Variants in SLC35D1 observed in about 807,000 individuals in gnomAD.
SLC35D1 encodes nucleotide sugar transporter SLC35D1.
SLC35D1 carries 31 observed loss-of-function variants against 46.7 expected under a neutral mutation model. That is an observed-to-expected ratio of 0.66 (90% confidence interval 0.50 to 0.90). The LOEUF is 0.90. Among genes scored for constraint, SLC35D1 ranks in the 40% least tolerant of loss-of-function variants. The pLI is 0.00. For missense variants in SLC35D1, 397 were observed against 426.2 expected (o/e 0.93, Z 0.60); for synonymous variants, 195 against 164.6 (o/e 1.18, Z -1.41).
At chr1:67,045,194 CTGTTTTTCTTTATACATTTTAAT>C (rs1380683390) in intron 7 of SLC35D1, among the ~76,000 whole-genome samples, 1 of 152,214 alleles carries the variant, frequency 6.6e-6, no homozygotes, top group Non-Finnish European at 1.5e-5. Flanking sequence ...GCCAAAACTT[CTGTTTTTCTTTATACATTTTAAT>C]TGTTTTGAAT....
chr1:66,977,902 C>T, the SLC35D1 span, among the ~76,000 whole-genome samples: 2 of 151,942 alleles, frequency 1.3e-5, no homozygotes, highest in African/African-American at 2.4e-5. Flanking sequence ...TAATTACCTT[C>T]GAAAGATGTG....
intron 11 of SLC35D1, chr1:67,008,417 T>C: frequency 7.8e-7 from 1 of 1,288,340 alleles, no homozygotes; most frequent in Non-Finnish European, 1.0e-6. Flanking sequence ...TACCAACTCT[T>C]AACTCACAGA....
At chr1:66,973,855 C>T in the SLC35D1 span, among the ~76,000 whole-genome samples, 10 of 152,014 alleles carry the variant, frequency 6.6e-5, no homozygotes, top group African/African-American at 2.4e-4. Flanking sequence ...TTAAAGATAG[C>T]TTCTAAGTTT....
the SLC35D1 span, among the ~76,000 whole-genome samples, chr1:66,981,188 AC>A: frequency 1.3e-5 from 2 of 152,220 alleles, no homozygotes; most frequent in Non-Finnish European, 2.9e-5. Context: ...AACCACAGTT[AC>A]GTAGTTCAGG....
At chr1:66,973,852 T>C in the SLC35D1 span, among the ~76,000 whole-genome samples, 1 of 152,122 alleles carries the variant, frequency 6.6e-6, no homozygotes, top group East Asian at 1.9e-4. Flanking sequence ...TCCTTAAAGA[T>C]AGCTTCTAAG....
intron 10 of SLC35D1, 58 bp from the exon 11 acceptor site, chr1:67,009,225 A>G: frequency 1.7e-6 from 1 of 601,744 alleles, no homozygotes; most frequent in Non-Finnish European, 2.8e-6. Flanking sequence ...TCTTAAATAT[A>G]TATAAAACTC....
At chr1:67,040,991 A>G (rs1038748691) in intron 8 of SLC35D1, among the ~76,000 whole-genome samples, 4 of 152,074 alleles carry the variant, frequency 2.6e-5, no homozygotes, top group African/African-American at 9.7e-5. Context: ...TCTTGACTCC[A>G]CTATTCCCCA....
chr1:66,976,798 T>A, the SLC35D1 span: 1 of 1,253,330 alleles, frequency 8.0e-7, no homozygotes, highest in Non-Finnish European at 1.1e-6. Context: ...AGTTAATTAT[T>A]ATTTTGATAA....
chr1:67,033,825 A>G (rs1047968073), intron 8 of SLC35D1, among the ~76,000 whole-genome samples: 1 of 152,130 alleles, frequency 6.6e-6, no homozygotes, highest in African/African-American at 2.4e-5. Flanking sequence ...TTGAAGTTTT[A>G]GATAAGTCTT....
chr1:66,984,564 C>A, the SLC35D1 span: 1 of 1,544,310 alleles, frequency 6.5e-7, no homozygotes, highest in African/African-American at 1.4e-5. Flanking sequence ...ATATTTCTTT[C>A]AACTTAGGAG....
At chr1:66,995,879 C>T (rs1260123233), downstream of SLC35D1, among the ~76,000 whole-genome samples, 1 of 152,082 alleles carries the variant, frequency 6.6e-6, no homozygotes, top group Non-Finnish European at 1.5e-5. Context: ...CAAAAATATT[C>T]ACCGAAAAAA....
intron 1 of SLC35D1, 27 bp downstream of exon 1, chr1:67,053,783 GC>G: frequency 1.9e-6 from 3 of 1,539,656 alleles, no homozygotes; most frequent in Non-Finnish European, 2.6e-6. Flanking sequence ...CTCCTCCGCG[GC>G]CTGGGCCGCC....
In SLC35D1 at chr1:67,049,885, C is replaced by T. The variant is rs570005214; in HGVS notation, c.465-35G>A. On this transcript the variant is annotated intron_variant, in intron 5 of 11. Coordinates refer to ENST00000235345, the MANE Select transcript of SLC35D1 (RefSeq NM_015139.3). ...AAAAAATTTTAAAATACACACATGA[C>T]TTTATTCCCACACTCATTTTACAAC... 11 of 1,453,192 alleles carry T rather than the reference C, an allele frequency of 7.6e-6. No homozygotes were observed. The African/African-American group carries it at 1.1e-4, about 15-fold the overall frequency. The allele number at this position is 1,453,192 out of a possible 1,614,324, so 90.0% of individuals were successfully genotyped here.
intron 4 of SLC35D1, among the ~76,000 whole-genome samples, 167 bp from the exon 5 acceptor site, chr1:67,050,671 A>C (rs1379914987): frequency 6.6e-6 from 1 of 152,246 alleles, no homozygotes; most frequent in Non-Finnish European, 1.5e-5. Flanking sequence ...TTCCTACTTG[A>C]AAGCCTACAA....
chr1:66,998,514 T>C (rs990729881), downstream of SLC35D1, among the ~76,000 whole-genome samples: 6 of 151,994 alleles, frequency 3.9e-5, no homozygotes, highest in African/African-American at 1.4e-4. Flanking sequence ...CACAAAAAAG[T>C]GGGATCTTGA....
chr1:66,975,899 C>G, the SLC35D1 span, among the ~76,000 whole-genome samples: 1 of 152,166 alleles, frequency 6.6e-6, no homozygotes, highest in African/African-American at 2.4e-5. Flanking sequence ...TAAAGATACG[C>G]TCCCTAGGTA....
chr1:67,007,711 C>T (rs1447553799), intron 11 of SLC35D1, among the ~76,000 whole-genome samples: 2 of 152,078 alleles, frequency 1.3e-5, no homozygotes, highest in East Asian at 3.9e-4. Context: ...ATAATTTGCT[C>T]TCTAGCAGCT....
the SLC35D1 span, among the ~76,000 whole-genome samples, chr1:66,974,539 T>C: frequency 0.08 from 12,207 of 152,068 alleles, 647 homozygotes; most frequent in African/African-American, 0.15. Context: ...TGATAGCTTA[T>C]GTAACAAGCA....
downstream of SLC35D1, among the ~76,000 whole-genome samples, chr1:66,995,119 G>A (rs1667224520): frequency 6.6e-6 from 1 of 151,950 alleles, no homozygotes; most frequent in East Asian, 1.9e-4. Flanking sequence ...CTGCCCTTCC[G>A]TGATCCCCAC....
Sources: gnomAD v4.1 joint callset for allele counts (sites outside exome capture counted in the v4.1 genomes callset) on GRCh38, gnomAD v4.1.1 for gene constraint, MANE v1.5 for transcripts, NCBI Gene and HGNC (gene_info 2026-07-23, HGNC 2026-07-21) for gene names.